The following PEX14 variants were observed in gnomAD, a reference collection of about 807,000 sequenced individuals.
The protein encoded by PEX14 is peroxisomal membrane protein PEX14.
Under a neutral mutation model 49.5 loss-of-function variants are expected in PEX14, and 15 were observed. The ratio of observed to expected loss-of-function variants is 0.30; its 90% confidence interval spans 0.20 to 0.47. The LOEUF is 0.47. PEX14 is among the 20% of genes least tolerant of loss of function. The pLI is 1.00. For synonymous variants in PEX14, 210 were observed against 212.7 expected, an observed-to-expected ratio of 0.99 and a Z score of 0.11; for missense variants, 398 against 494.8, an observed-to-expected ratio of 0.80 and a Z score of 1.86.
At chr1:10,621,007 G>C (rs76144506) in intron 5 of PEX14, among the ~76,000 whole-genome samples, 1,613 of 152,344 alleles carry the variant, frequency 0.011, 30 homozygotes, top group African/African-American at 0.035. Context: ...CCTGTGGCCT[G>C]ACGGGAGCGG....
chr1:10,532,094 T>C (rs970373037), intron 2 of PEX14, among the ~76,000 whole-genome samples: 13 of 152,186 alleles, frequency 8.5e-5, no homozygotes, highest in Non-Finnish European at 1.6e-4. Flanking sequence ...CAGTTACAAA[T>C]CCTGCTCTCT....
intron 2 of PEX14, among the ~76,000 whole-genome samples, chr1:10,532,161 C>T (rs1364386536): frequency 6.6e-6 from 1 of 152,192 alleles, no homozygotes; most frequent in African/African-American, 2.4e-5. Flanking sequence ...TGTTTTTCAA[C>T]CTGAAGTCCC....
At chr1:10,577,398 AAAAAAAAAAACC>A (rs1179808455) in intron 3 of PEX14, among the ~76,000 whole-genome samples, 1 of 25,716 alleles carries the variant, frequency 3.9e-5, no homozygotes, top group African/African-American at 2.1e-4. Context: ...CTCTGTCTCA[AAAAAAAAAAACC>A]AAAAAAAAAA....
At chr1:10,481,418 G>A (rs773699620) in intron 1 of PEX14, among the ~76,000 whole-genome samples, 11 of 151,812 alleles carry the variant, frequency 7.2e-5, no homozygotes, top group African/African-American at 2.7e-4. Flanking sequence ...GGGAGCCACC[G>A]CGTCCAGCCT....
At chr1:10,565,010 T>C (rs980340925) in intron 3 of PEX14, among the ~76,000 whole-genome samples, 1 of 151,630 alleles carries the variant, frequency 6.6e-6, no homozygotes. Flanking sequence ...TTCAAGTGAT[T>C]CTTCTGCCTC....
intron 3 of PEX14, among the ~76,000 whole-genome samples, chr1:10,536,762 C>T (rs939782503): frequency 5.9e-5 from 9 of 152,192 alleles, no homozygotes; most frequent in African/African-American, 2.2e-4. Flanking sequence ...GTCCGATTTA[C>T]AGATTGAAGC....
At chr1:10,516,351 G>A (rs1641969667) in intron 2 of PEX14, among the ~76,000 whole-genome samples, 1 of 152,222 alleles carries the variant, frequency 6.6e-6, no homozygotes, top group South Asian at 2.1e-4. Context: ...TTGTAGAAGA[G>A]TGTGTCTATT....
At chr1:10,516,419 C>T (rs1262646663) in intron 2 of PEX14, among the ~76,000 whole-genome samples, 1 of 152,174 alleles carries the variant, frequency 6.6e-6, no homozygotes, top group Non-Finnish European at 1.5e-5. Context: ...CTAGGTTTGC[C>T]GTGGGACCTT....
intron 2 of PEX14, chr1:10,535,776 CGT>C (rs34318995): frequency 3.7e-3 from 991 of 271,422 alleles, no homozygotes; most frequent in South Asian, 9.3e-3. Context: ...TGATAGAGAA[CGT>C]GTGTGTGTGT....
intron 3 of PEX14, among the ~76,000 whole-genome samples, chr1:10,551,172 A>C (rs1317599161): frequency 6.6e-6 from 1 of 152,228 alleles, no homozygotes; most frequent in Middle Eastern, 3.2e-3. Flanking sequence ...TATATTAAAA[A>C]TTGCAATCAT....
At chr1:10,564,333 T>TA (rs1639740318) in intron 3 of PEX14, among the ~76,000 whole-genome samples, 1 of 152,190 alleles carries the variant, frequency 6.6e-6, no homozygotes, top group South Asian at 2.1e-4. Flanking sequence ...TTCAGTTTAC[T>TA]AACCCTTTCT....
At chr1:10,489,126 A>G (rs1002412230) in intron 1 of PEX14, among the ~76,000 whole-genome samples, 2 of 151,954 alleles carry the variant, frequency 1.3e-5, no homozygotes, top group Non-Finnish European at 2.9e-5. Context: ...GATTACAGGC[A>G]TGCACCACCA....
chr1:10,588,766 G>C (rs1332606629), intron 3 of PEX14, among the ~76,000 whole-genome samples: 2 of 152,118 alleles, frequency 1.3e-5, no homozygotes, highest in African/African-American at 4.8e-5. Context: ...ACGTGCAAGA[G>C]TAGTGATGCT....
chr1:10,625,484 A>G (rs927274202), intron 7 of PEX14, among the ~76,000 whole-genome samples: 6 of 152,158 alleles, frequency 3.9e-5, no homozygotes, highest in Non-Finnish European at 8.8e-5. Flanking sequence ...TGAAAATGAC[A>G]ATCTTTCCAT....
At chr1:10,575,709 C>G (rs1420585710) in intron 3 of PEX14, among the ~76,000 whole-genome samples, 1 of 151,944 alleles carries the variant, frequency 6.6e-6, no homozygotes, top group African/African-American at 2.4e-5. Flanking sequence ...AATTTATTTT[C>G]TTTCTTTCTT....
intron 3 of PEX14, among the ~76,000 whole-genome samples, chr1:10,574,138 A>C (rs72641427): frequency 0.01 from 1,569 of 152,260 alleles, 22 homozygotes; most frequent in African/African-American, 0.036. Flanking sequence ...CCTGGGGGGA[A>C]GTGTCCCATC....
At chr1:10,508,416 C>G (rs1031094427) in intron 2 of PEX14, among the ~76,000 whole-genome samples, 1 of 152,140 alleles carries the variant, frequency 6.6e-6, no homozygotes, top group Admixed American at 6.5e-5. Context: ...ACTGTGTTAG[C>G]CAGGATGGTC....
chr1:10,621,342 CTT>C (rs930417764), intron 5 of PEX14, among the ~76,000 whole-genome samples: 19 of 107,994 alleles, frequency 1.8e-4, no homozygotes, highest in East Asian at 1.1e-3. Context: ...TATATGAATT[CTT>C]TTTTTTTTTT....
intron 4 of PEX14, among the ~76,000 whole-genome samples, chr1:10,605,853 G>T (rs548677157): frequency 6.6e-6 from 1 of 152,282 alleles, no homozygotes; most frequent in South Asian, 2.1e-4. Context: ...TTTTGTCCGT[G>T]GTGCCGGTTT....
Sources: gnomAD v4.1 joint callset for allele counts (sites outside exome capture counted in the v4.1 genomes callset) on GRCh38, gnomAD v4.1.1 for gene constraint, MANE v1.5 for transcripts, NCBI Gene and HGNC (gene_info 2026-07-23, HGNC 2026-07-21) for gene names.